The following DGKI variants were observed in gnomAD, a reference collection of about 807,000 sequenced individuals.
DGKI encodes DAG kinase iota.
Under a neutral mutation model 147.5 loss-of-function variants are expected in DGKI, and 55 were observed. The ratio of observed to expected loss-of-function variants is 0.37; its 90% CI spans 0.30 to 0.47. The LOEUF is 0.47. DGKI is among the 20% of genes least tolerant of loss of function. The probability of loss-of-function intolerance (pLI) is 1.00; values close to 1 mark genes in which losing one functional copy is unlikely to be tolerated. For synonymous variants in DGKI, 469 were observed against 477.1 expected, an observed-to-expected ratio of 0.98 and a Z score of 0.22; for missense variants, 1,007 against 1,323.8, an observed-to-expected ratio of 0.76 and a Z score of 3.71.
At chr7:137,837,503 A>C (rs1160022523) in intron 1 of DGKI, among the ~76,000 whole-genome samples, 1 of 152,178 alleles carries the variant, frequency 6.6e-6, no homozygotes, top group Admixed American at 6.5e-5. Flanking sequence ...CCCAAAAGTC[A>C]CATGTTGAAA....
intron 27 of DGKI, chr7:137,453,003 T>C (rs1158884682): frequency 1.3e-5 from 2 of 152,246 alleles, no homozygotes; most frequent in Non-Finnish European, 2.9e-5. Flanking sequence ...TAGTCCCGAA[T>C]GAAAACCGAT....
At chr7:137,430,476 G>T (rs975963739) in intron 28 of DGKI, among the ~76,000 whole-genome samples, 1 of 151,588 alleles carries the variant, frequency 6.6e-6, no homozygotes, top group South Asian at 2.1e-4. Context: ...AATGGGTGCA[G>T]CACACCAGCA....
chr7:137,737,698 T>C (rs1190059624), intron 1 of DGKI, among the ~76,000 whole-genome samples: 1 of 152,134 alleles, frequency 6.6e-6, no homozygotes, highest in Non-Finnish European at 1.5e-5. Context: ...TAGCTGTCAG[T>C]TTTTAAGAAG....
intron 14 of DGKI, among the ~76,000 whole-genome samples, chr7:137,582,453 C>T (rs73453579): frequency 0.044 from 6,355 of 144,570 alleles, 271 homozygotes; most frequent in African/African-American, 0.12. Flanking sequence ...TATATATATA[C>T]ACACACACAC....
chr7:137,552,260 G>T, intron 20 of DGKI, 109 bp downstream of exon 20: 1 of 1,153,742 alleles, frequency 8.7e-7, no homozygotes, highest in Non-Finnish European at 1.2e-6. Flanking sequence ...GAGTCTCCTG[G>T]ACTTTTTTCC....
At chr7:137,435,414 C>T (rs1272503270) in intron 28 of DGKI, among the ~76,000 whole-genome samples, 1 of 152,038 alleles carries the variant, frequency 6.6e-6, no homozygotes, top group African/African-American at 2.4e-5. Flanking sequence ...GTGAGACCTG[C>T]ATGAAGGACA....
intron 1 of DGKI, among the ~76,000 whole-genome samples, chr7:137,808,034 T>C (rs1254144688): frequency 1.3e-5 from 2 of 152,240 alleles, no homozygotes; most frequent in Admixed American, 6.5e-5. Context: ...AGACCACACT[T>C]TGTTATGAAG....
intron 21 of DGKI, among the ~76,000 whole-genome samples, chr7:137,516,709 A>C (rs956259201): frequency 6.6e-6 from 1 of 152,066 alleles, no homozygotes; most frequent in African/African-American, 2.4e-5. Context: ...ACTAACATCT[A>C]GTGTGGTATC....
intron 6 of DGKI, among the ~76,000 whole-genome samples, chr7:137,638,591 T>G (rs1821476837): frequency 1.6e-5 from 1 of 63,062 alleles, no homozygotes; most frequent in Non-Finnish European, 2.9e-5. Flanking sequence ...TATACACATA[T>G]ATACATATAT....
chr7:137,548,502 C>T (rs1219083880), intron 20 of DGKI, among the ~76,000 whole-genome samples: 6 of 151,076 alleles, frequency 4.0e-5, no homozygotes, highest in Non-Finnish European at 7.4e-5. Context: ...GAGTATGGTG[C>T]CTCCCCCGTC....
chr7:137,657,740 A>G (rs186212011), intron 3 of DGKI, among the ~76,000 whole-genome samples: 1 of 152,322 alleles, frequency 6.6e-6, no homozygotes, highest in African/African-American at 2.4e-5. Context: ...CTGCTGAGGT[A>G]TAATTTTTGA....
chr7:137,580,033 G>A (rs3800607), intron 15 of DGKI, among the ~76,000 whole-genome samples: 2 of 152,124 alleles, frequency 1.3e-5, no homozygotes, highest in East Asian at 3.9e-4. Context: ...ATAGTTCAAG[G>A]AAGTGAATCA....
intron 8 of DGKI, among the ~76,000 whole-genome samples, chr7:137,618,813 A>T (rs1820639967): frequency 6.6e-6 from 1 of 152,174 alleles, no homozygotes; most frequent in African/African-American, 2.4e-5. Flanking sequence ...CTCATTTTTT[A>T]ATATGTAGAC....
intron 2 of DGKI, among the ~76,000 whole-genome samples, chr7:137,680,113 G>C (rs1383685312): frequency 6.6e-6 from 1 of 151,902 alleles, no homozygotes; most frequent in Non-Finnish European, 1.5e-5. Flanking sequence ...AATGGGATTA[G>C]TGTCCTTATA....
chr7:137,415,303 A>C (rs1812317438), intron 28 of DGKI, among the ~76,000 whole-genome samples: 1 of 152,220 alleles, frequency 6.6e-6, no homozygotes, highest in Non-Finnish European at 1.5e-5. Flanking sequence ...AATTACAATA[A>C]ATTTTAAAAA....
At chr7:137,533,981 T>C (rs1817431814) in intron 20 of DGKI, among the ~76,000 whole-genome samples, 2 of 152,128 alleles carry the variant, frequency 1.3e-5, no homozygotes, top group African/African-American at 4.8e-5. Flanking sequence ...ACTTTCTTTT[T>C]ATGCCTTTTA....
At chr7:137,794,069 T>C (rs1312341914) in intron 1 of DGKI, among the ~76,000 whole-genome samples, 1 of 152,208 alleles carries the variant, frequency 6.6e-6, no homozygotes, top group African/African-American at 2.4e-5. Context: ...ATCTATGAAA[T>C]CCAGTCACTG....
chr7:137,658,222 G>A lies in DGKI; in HGVS notation c.607-1682C>T, dbSNP rs1033989957. Among the ~76,000 whole-genome samples, 115 of 152,208 alleles carry A rather than the reference G, an allele frequency of 7.6e-4. 1 individual carries two copies. The highest frequency in any genetic ancestry group is 1.0e-4 in the Non-Finnish European group (7 of 68,004). On this transcript the variant is annotated intron_variant, in intron 3 of 32. Coordinates refer to ENST00000614521, the MANE Select transcript of DGKI (RefSeq NM_001321708.2). ...AACAAGAAAACATACAGTAGTAATCGTAGTAACACAGCAGTAGCAATCAAA... is the reference window on the plus strand; with the variant it reads ...AACAAGAAAACATACAGTAGTAATCATAGTAACACAGCAGTAGCAATCAAA...
intron 6 of DGKI, among the ~76,000 whole-genome samples, chr7:137,632,403 T>C (rs898026145): frequency 6.6e-6 from 1 of 152,210 alleles, no homozygotes. Flanking sequence ...AACACTTTTC[T>C]GGTCTTTAAC....
Sources: gnomAD v4.1 joint callset for allele counts (sites outside exome capture counted in the v4.1 genomes callset) on GRCh38, gnomAD v4.1.1 for gene constraint, MANE v1.5 for transcripts, NCBI Gene and HGNC (gene_info 2026-07-23, HGNC 2026-07-21) for gene names.